The following ZNF609 variants were observed in gnomAD, a reference collection of about 807,000 sequenced individuals.
ZNF609 encodes zinc finger protein 609.
A neutral mutation model predicts 109.5 loss-of-function variants in ZNF609; 11 were observed. The observed-to-expected ratio is 0.10, with a 90% CI of 0.06 to 0.17. The LOEUF (loss-of-function observed/expected upper bound fraction) is 0.17. Among genes scored for constraint, ZNF609 ranks in the 10% least tolerant of loss-of-function variants. The probability of loss-of-function intolerance (pLI) is 1.00; values close to 1 mark genes in which losing one functional copy is unlikely to be tolerated. For missense variants in ZNF609, 1,559 were observed against 1,772.4 expected (o/e 0.88, Z 2.16); for synonymous variants, 646 against 662.0 (o/e 0.98, Z 0.37).
At chr15:64,463,691 G>A (rs561850407) in intron 1 of ZNF609, among the ~76,000 whole-genome samples, 111 of 152,274 alleles carry the variant, frequency 7.3e-4, no homozygotes, top group African/African-American at 2.5e-3. Context: ...CTGAGGTGTT[G>A]GGCCTTTGAT....
intron 2 of ZNF609, chr15:64,529,071 C>T: frequency 8.9e-7 from 1 of 1,125,686 alleles, no homozygotes; most frequent in South Asian, 1.3e-5. Flanking sequence ...CCTGGAGAGC[C>T]CTGCAGCCAT....
At chr15:64,473,726 C>T (rs181875326) in intron 1 of ZNF609, among the ~76,000 whole-genome samples, 21 of 152,184 alleles carry the variant, frequency 1.4e-4, no homozygotes, top group Admixed American at 7.2e-4. Flanking sequence ...CTGTCTCAGC[C>T]TCCCAAAGAG....
intron 2 of ZNF609, among the ~76,000 whole-genome samples, chr15:64,549,431 C>T (rs1595714853): frequency 6.6e-6 from 1 of 152,314 alleles, no homozygotes; most frequent in African/African-American, 2.4e-5. Context: ...CCACCAAGGC[C>T]TCCCAAAGTG....
At chr15:64,507,872 A>G (rs569796704) in intron 2 of ZNF609, among the ~76,000 whole-genome samples, 2 of 152,248 alleles carry the variant, frequency 1.3e-5, no homozygotes, top group African/African-American at 4.8e-5. Context: ...AAGGTGCCAG[A>G]CCATATTAAT....
At chr15:64,608,168 A>T (rs1211032734) in intron 2 of ZNF609, among the ~76,000 whole-genome samples, 2 of 152,054 alleles carry the variant, frequency 1.3e-5, no homozygotes, top group African/African-American at 4.8e-5. Flanking sequence ...AAGTGCTAGG[A>T]TTACAAGCCT....
intron 2 of ZNF609, among the ~76,000 whole-genome samples, chr15:64,521,657 G>A (rs1292113759): frequency 6.6e-6 from 1 of 152,158 alleles, no homozygotes; most frequent in Non-Finnish European, 1.5e-5. Context: ...CCCTAAGCAG[G>A]GAACCTTCAA....
At chr15:64,489,051 C>G (rs1416066515) in intron 1 of ZNF609, among the ~76,000 whole-genome samples, 2 of 151,868 alleles carry the variant, frequency 1.3e-5, no homozygotes, top group East Asian at 3.9e-4. Context: ...CTGCAGTGAG[C>G]TTGTGTTTGT....
chr15:64,657,815 C>T (rs1055876798), intron 3 of ZNF609, among the ~76,000 whole-genome samples: 1 of 152,022 alleles, frequency 6.6e-6, no homozygotes, highest in Non-Finnish European at 1.5e-5. Context: ...GCAGAATGGG[C>T]AGGTCATGGT....
Position 64,552,823 on chromosome 15 carries a change from CT to C in ZNF609, c.747+52661del, listed in dbSNP as rs543140798. Among the ~76,000 whole-genome samples, 133 of 152,066 alleles carry C rather than the reference CT, an allele frequency of 8.7e-4. 2 individuals are homozygous for C. The highest frequency in any genetic ancestry group is 3.0e-3 in the African/African-American group (125 of 41,500). Reference sequence around the variant, plus strand: ...GCAACCGTGCCTGACTAATTTTTTTCTTTTGTAGAGATGGGGTTTCACTATG... The same window carrying C: ...GCAACCGTGCCTGACTAATTTTTTTCTTTGTAGAGATGGGGTTTCACTATG... On this transcript the variant is annotated intron_variant, in intron 2 of 9. Coordinates refer to ENST00000326648, the MANE Select transcript of ZNF609 (RefSeq NM_015042.2).
intron 1 of ZNF609, among the ~76,000 whole-genome samples, chr15:64,496,980 A>G (rs1893491033): frequency 6.6e-6 from 1 of 151,994 alleles, no homozygotes; most frequent in Non-Finnish European, 1.5e-5. Flanking sequence ...ATACCCGGCT[A>G]ATTTTTGTAT....
chr15:64,648,750 A>G (rs1896371955), intron 3 of ZNF609, among the ~76,000 whole-genome samples: 1 of 151,154 alleles, frequency 6.6e-6, no homozygotes, highest in South Asian at 2.1e-4. Flanking sequence ...CATACCAAAA[A>G]AAAAAAAAAA....
chr15:64,575,973 G>T (rs1894945164), intron 2 of ZNF609, among the ~76,000 whole-genome samples: 2 of 151,978 alleles, frequency 1.3e-5, no homozygotes, highest in South Asian at 4.2e-4. Context: ...GCGGTGGCGG[G>T]CACCTGTAGT....
chr15:64,542,370 A>G (rs146094161), intron 2 of ZNF609, among the ~76,000 whole-genome samples: 70 of 152,292 alleles, frequency 4.6e-4, no homozygotes, highest in African/African-American at 1.7e-3. Flanking sequence ...AAAGGCAGAA[A>G]TGGTCATCTC....
chr15:64,463,891 T>C (rs1467068007), intron 1 of ZNF609, among the ~76,000 whole-genome samples: 9 of 152,236 alleles, frequency 5.9e-5, no homozygotes, highest in Non-Finnish European at 1.3e-4. Context: ...TTCTGAATGC[T>C]GTCAGGTGAC....
chr15:64,499,741 C>G lies in ZNF609; in HGVS notation c.322C>G (p.Leu108Val). Residue 108 changes from leucine to valine, a missense_variant, in exon 2 of 10, where the codon CTG (leucine) becomes GTG (valine). Physicochemically the swap from Leu to Val is conservative, Grantham distance 32 (BLOSUM62 1). Around this residue, in one of 4 missense-constraint regions of ZNF609, gnomAD observed 291 missense variants for 317.8 expected, o/e 0.92. Coordinates refer to ENST00000326648, the MANE Select transcript of ZNF609 (RefSeq NM_015042.2). Reference sequence around the variant, plus strand: ...TAGCAAACCCACTCCAGGGACTTCCCTGTTCACTCCAAGTGAGGGGGCAGC... The same window carrying G: ...TAGCAAACCCACTCCAGGGACTTCCGTGTTCACTCCAAGTGAGGGGGCAGC... ...DTSKPTPGTS[L>V]FTPSEGAASK... The G allele has an allele frequency of 6.2e-7, 1 of 1,614,058 alleles. No individual in the cohort carries two copies. Among genetic ancestry groups the G allele is most frequent in the South Asian group, 1.1e-5 (1 of 91,082 alleles).
At chr15:64,490,307 C>T (rs1414747059) in intron 1 of ZNF609, among the ~76,000 whole-genome samples, 1 of 147,706 alleles carries the variant, frequency 6.8e-6, no homozygotes, top group Non-Finnish European at 1.5e-5. Flanking sequence ...GAGTTTTGCT[C>T]CCGTTGCCCA....
chr15:64,645,003 T>TTCTTTCTTTCTA (rs2037390278), intron 3 of ZNF609, among the ~76,000 whole-genome samples: 8 of 150,848 alleles, frequency 5.3e-5, no homozygotes, highest in Admixed American at 4.6e-4. Context: ...CTTTCTTTCT[T>TTCTTTCTTTCTA]TCTTTCTTCC....
At chr15:64,659,288 G>C (rs117558120) in intron 3 of ZNF609, among the ~76,000 whole-genome samples, 77 of 152,278 alleles carry the variant, frequency 5.1e-4, no homozygotes, top group Non-Finnish European at 3.8e-4. Context: ...AACTGTGGTC[G>C]TAGGGAGTTA....
At chr15:64,481,831 C>G (rs566434640) in intron 1 of ZNF609, among the ~76,000 whole-genome samples, 1 of 152,280 alleles carries the variant, frequency 6.6e-6, no homozygotes, top group East Asian at 1.9e-4. Context: ...GTCGCCTAGG[C>G]TGGAGTACAG....
Sources: allele counts gnomAD v4.1 joint callset (sites outside exome capture counted in the v4.1 genomes callset), GRCh38; gene constraint gnomAD v4.1.1; regional missense constraint gnomAD v4.1.1; transcripts MANE v1.5; gene names NCBI Gene and HGNC (gene_info 2026-07-23, HGNC 2026-07-21).